The following TENM3 variants were observed in gnomAD, a reference collection of about 807,000 sequenced individuals.
TENM3 encodes teneurin transmembrane protein 3.
A neutral mutation model predicts 255.1 loss-of-function variants in TENM3; 63 were observed. The ratio of observed to expected loss-of-function variants is 0.25; its 90% CI spans 0.20 to 0.30. The LOEUF (loss-of-function observed/expected upper bound fraction) is 0.30, where lower values mean the gene tolerates loss of function less well. Ranked by LOEUF, TENM3 falls within the 10% of genes least tolerant of loss-of-function variation. The pLI, the probability that TENM3 is intolerant of heterozygous loss-of-function variation, is 1.00. For missense variants in TENM3, 2,929 were observed against 3,461.1 expected, an observed-to-expected ratio of 0.85 and a Z score of 3.86; for synonymous variants, 1,306 against 1,322.3, an observed-to-expected ratio of 0.99 and a Z score of 0.27.
chr4:182,163,242 T>G (rs1751476918), intron 1 of TENM3, among the ~76,000 whole-genome samples: 1 of 152,278 alleles, frequency 6.6e-6, no homozygotes, highest in South Asian at 2.1e-4. Flanking sequence ...CCACCCGTCT[T>G]TCGTCTCTCC....
At chr4:182,784,020 A>G (rs1380903336) in intron 24 of TENM3, among the ~76,000 whole-genome samples, 1 of 152,144 alleles carries the variant, frequency 6.6e-6, no homozygotes, top group Non-Finnish European at 1.5e-5. Flanking sequence ...CGTAGCTCAG[A>G]GTAATTTGAT....
At chr4:181,856,769 T>A in the TENM3 span, among the ~76,000 whole-genome samples, 5 of 152,166 alleles carry the variant, frequency 3.3e-5, no homozygotes, top group Non-Finnish European at 7.4e-5. Context: ...TTATCTTGAA[T>A]CCCTAGCTTC....
intron 3 of TENM3, among the ~76,000 whole-genome samples, chr4:182,494,741 A>G (rs893688126): frequency 6.6e-6 from 1 of 152,136 alleles, no homozygotes; most frequent in African/African-American, 2.4e-5. Flanking sequence ...CCCTGATTGA[A>G]TATATTATAT....
intron 3 of TENM3, among the ~76,000 whole-genome samples, chr4:182,497,872 A>G (rs868526831): frequency 1.1e-4 from 5 of 45,148 alleles, no homozygotes; most frequent in Admixed American, 8.2e-4. Context: ...ATATATATAT[A>G]TATATATATA....
At chr4:182,648,481 A>G (rs1446057822) in intron 5 of TENM3, among the ~76,000 whole-genome samples, 1 of 152,036 alleles carries the variant, frequency 6.6e-6, no homozygotes, top group Non-Finnish European at 1.5e-5. Context: ...GGGTTTTGCC[A>G]TGTTGGTCAG....
At chr4:182,284,922 C>A (rs76340512) in intron 1 of TENM3, among the ~76,000 whole-genome samples, 4,204 of 151,958 alleles carry the variant, frequency 0.028, 218 homozygotes, top group African/African-American at 0.097. Context: ...TGGTGTGGAC[C>A]CCATGAAGAA....
At chr4:182,041,925 G>T in the TENM3 span, among the ~76,000 whole-genome samples, 1 of 152,128 alleles carries the variant, frequency 6.6e-6, no homozygotes. Context: ...AATTAATTTG[G>T]TTCTCATACT....
chr4:182,045,659 T>C, the TENM3 span, among the ~76,000 whole-genome samples: 1 of 152,174 alleles, frequency 6.6e-6, no homozygotes, highest in Non-Finnish European at 1.5e-5. Flanking sequence ...AGAGAGGTTG[T>C]TGGCAAAGTC....
chr4:181,619,102 G>A, the TENM3 span, among the ~76,000 whole-genome samples: 2 of 152,128 alleles, frequency 1.3e-5, no homozygotes, highest in African/African-American at 2.4e-5. Flanking sequence ...GTAGGGATGC[G>A]CATTACCCAA....
In TENM3 at chr4:182,730,635, G is replaced by A. The variant is rs536565855; in HGVS notation, c.2706-243G>A. ...CTGTAACTTGAGCTCAGATGGTTCCGAGAAAAGAGTCAATGGAAAGCAAAT... is the reference window on the plus strand; with the variant it reads ...CTGTAACTTGAGCTCAGATGGTTCCAAGAAAAGAGTCAATGGAAAGCAAAT... On this transcript the variant is annotated intron_variant, in intron 15 of 27. Transcript: ENST00000511685. 3.9e-5 allele frequency among the ~76,000 whole-genome samples: 6 copies of A among 152,206 alleles called. No individual in the cohort carries two copies. In the East Asian group the frequency reaches 5.8e-4, roughly 15 times the overall value.
chr4:181,867,178 A>G, the TENM3 span, among the ~76,000 whole-genome samples: 1 of 152,160 alleles, frequency 6.6e-6, no homozygotes, highest in African/African-American at 2.4e-5. Context: ...AATTGTTACG[A>G]GTGACTTAAT....
intron 3 of TENM3, among the ~76,000 whole-genome samples, chr4:182,360,472 G>A (rs562726748): frequency 4.4e-4 from 64 of 145,116 alleles, no homozygotes; most frequent in Admixed American, 2.0e-3. Context: ...TTACCATTAT[G>A]TAATGGCCTT....
At chr4:182,329,363 A>C (rs1277652525) in intron 2 of TENM3, among the ~76,000 whole-genome samples, 1 of 152,198 alleles carries the variant, frequency 6.6e-6, no homozygotes, top group Non-Finnish European at 1.5e-5. Context: ...TTGTGGGAGC[A>C]GCTGGTTTCC....
At chr4:181,508,589 G>A in the TENM3 span, among the ~76,000 whole-genome samples, 1 of 152,140 alleles carries the variant, frequency 6.6e-6, no homozygotes, top group South Asian at 2.1e-4. Flanking sequence ...GCTTTAATAC[G>A]TACATACACT....
the TENM3 span, among the ~76,000 whole-genome samples, chr4:182,030,657 C>T: frequency 6.6e-6 from 1 of 152,166 alleles, no homozygotes; most frequent in African/African-American, 2.4e-5. Context: ...GGAATAGCCA[C>T]ACTGTCTTCC....
intron 2 of TENM3, among the ~76,000 whole-genome samples, chr4:182,346,374 G>T (rs1018447970): frequency 6.6e-6 from 1 of 152,004 alleles, no homozygotes; most frequent in Non-Finnish European, 1.5e-5. Context: ...GAGTTCTCAT[G>T]GTTGGGGCCA....
the TENM3 span, among the ~76,000 whole-genome samples, chr4:181,981,925 G>T: frequency 1.6e-4 from 25 of 152,140 alleles, no homozygotes; most frequent in African/African-American, 6.0e-4. Flanking sequence ...GTGAAGTGGT[G>T]ATCAGACTCC....
At chr4:181,891,162 A>G in the TENM3 span, among the ~76,000 whole-genome samples, 1 of 152,362 alleles carries the variant, frequency 6.6e-6, no homozygotes, top group South Asian at 2.1e-4. Context: ...ATTTCAATAC[A>G]ACGTTGCAGC....
At chr4:182,423,388 A>G (rs1274285692) in intron 3 of TENM3, among the ~76,000 whole-genome samples, 1 of 151,758 alleles carries the variant, frequency 6.6e-6, no homozygotes, top group Admixed American at 6.6e-5. Context: ...GCCTCTGAAT[A>G]TAGTATAAAA....
Sources: allele counts gnomAD v4.1 joint callset (sites outside exome capture counted in the v4.1 genomes callset), GRCh38; gene constraint gnomAD v4.1.1; transcripts MANE v1.5; gene names NCBI Gene and HGNC (gene_info 2026-07-23, HGNC 2026-07-21).